CCDC102B: variants seen among roughly 807,000 people sequenced by gnomAD.
CCDC102B encodes coiled-coil domain-containing protein 102B.
A neutral mutation model predicts 57.4 loss-of-function variants in CCDC102B; 75 were observed. The observed-to-expected ratio is 1.31, with a 90% CI of 1.08 to 1.58. The LOEUF (loss-of-function observed/expected upper bound fraction) is 1.58. CCDC102B is among the 40% of genes most tolerant of loss of function. The pLI is 0.00. For missense variants in CCDC102B, 636 were observed against 582.6 expected, an observed-to-expected ratio of 1.09 and a Z score of -0.94; for synonymous variants, 206 against 201.9, an observed-to-expected ratio of 1.02 and a Z score of -0.17.
intron 5 of CCDC102B, among the ~76,000 whole-genome samples, chr18:68,893,764 A>G (rs967635420): frequency 1.3e-5 from 2 of 152,110 alleles, no homozygotes; most frequent in Admixed American, 1.3e-4. Context: ...TTAGAAAATG[A>G]TCCAATGTTT....
chr18:69,007,596 T>C (rs1363044136), intron 6 of CCDC102B, among the ~76,000 whole-genome samples: 1 of 152,228 alleles, frequency 6.6e-6, no homozygotes, highest in East Asian at 1.9e-4. Flanking sequence ...TGAGGACTTG[T>C]TAAACCCACA....
In CCDC102B at chr18:68,874,799, T is replaced by A; in HGVS notation, c.1053+14T>A. 1 of 1,412,902 alleles carries A rather than the reference T, an allele frequency of 7.1e-7. No homozygotes were observed. The highest frequency in any genetic ancestry group is 1.0e-6 in the Non-Finnish European group (1 of 998,390). The allele number at this position is 1,412,902 out of a possible 1,614,324, so 87.5% of individuals were successfully genotyped here. On this transcript the variant is annotated intron_variant, in intron 5 of 7. Coordinates refer to ENST00000360242, the MANE Select transcript of CCDC102B (RefSeq NM_024781.3). ...TTAAGAGCAGAGGTAAGACACTGGG[T>A]AAAGAGTACCATATATATTAAAACA...
intron 2 of CCDC102B, among the ~76,000 whole-genome samples, chr18:68,784,434 C>A (rs1229661896): frequency 4.6e-5 from 7 of 152,056 alleles, no homozygotes; most frequent in Non-Finnish European, 2.9e-5. Flanking sequence ...GATCCAGTCA[C>A]CTCCCATCAA....
chr18:69,039,180 T>C (rs1018335892), intron 7 of CCDC102B, among the ~76,000 whole-genome samples: 2 of 151,956 alleles, frequency 1.3e-5, no homozygotes, highest in East Asian at 1.9e-4. Flanking sequence ...GAGTATTCCA[T>C]TGGAGATAGT....
chr18:68,960,245 C>T (rs1029621110), intron 6 of CCDC102B, among the ~76,000 whole-genome samples: 4 of 152,156 alleles, frequency 2.6e-5, no homozygotes, highest in African/African-American at 7.2e-5. Flanking sequence ...CCTTTAAGGC[C>T]TGGGGTCCCT....
At chr18:68,793,737 G>GT (rs2035541151), upstream of CCDC102B, among the ~76,000 whole-genome samples, 1 of 151,960 alleles carries the variant, frequency 6.6e-6, no homozygotes, top group Admixed American at 6.6e-5. Context: ...TATTTGCTTT[G>GT]TTTTTTGCAA....
intron 1 of CCDC102B, among the ~76,000 whole-genome samples, chr18:68,811,950 T>C (rs528379881): frequency 6.6e-6 from 1 of 152,328 alleles, no homozygotes; most frequent in African/African-American, 2.4e-5. Flanking sequence ...ACTCAGTCAC[T>C]GAATGTGGTA....
chr18:68,791,142 G>GAGGA (rs1479330400), intron 2 of CCDC102B, among the ~76,000 whole-genome samples: 1 of 152,214 alleles, frequency 6.6e-6, no homozygotes, highest in African/African-American at 2.4e-5. Flanking sequence ...ATGCATTGAG[G>GAGGA]AGGATTAGTT....
chr18:69,009,924 A>ATTTTTTT (rs770668683), intron 6 of CCDC102B, among the ~76,000 whole-genome samples: 1,675 of 33,482 alleles, frequency 0.05, 405 homozygotes, highest in African/African-American at 0.12. Flanking sequence ...TTTAATAAAG[A>ATTTTTTT]TTTTTTTTTT....
chr18:68,752,617 T>C (rs550863896), intron 2 of CCDC102B, among the ~76,000 whole-genome samples: 1 of 152,160 alleles, frequency 6.6e-6, no homozygotes, highest in Non-Finnish European at 1.5e-5. Flanking sequence ...TTAAATATTT[T>C]TAAACCTTAT....
chr18:68,727,107 C>A (rs748757969), intron 2 of CCDC102B, among the ~76,000 whole-genome samples: 8 of 152,110 alleles, frequency 5.3e-5, no homozygotes, highest in Non-Finnish European at 7.4e-5. Flanking sequence ...GGAAAAAGTC[C>A]ATTTGAAGGG....
intron 6 of CCDC102B, among the ~76,000 whole-genome samples, chr18:68,943,513 C>T (rs1479300549): frequency 2.6e-5 from 4 of 151,948 alleles, no homozygotes; most frequent in African/African-American, 4.8e-5. Context: ...TTTTGGAAAA[C>T]GTTTGTTTTG....
chr18:68,792,676 C>T (rs1022767749), intron 2 of CCDC102B, among the ~76,000 whole-genome samples: 4 of 152,098 alleles, frequency 2.6e-5, no homozygotes, highest in African/African-American at 9.7e-5. Context: ...ATACTTGAAC[C>T]GAGGCTTAGA....
At chr18:68,725,381 T>C (rs2032548507) in intron 2 of CCDC102B, among the ~76,000 whole-genome samples, 1 of 152,244 alleles carries the variant, frequency 6.6e-6, no homozygotes, top group Non-Finnish European at 1.5e-5. Context: ...TCAGCTAGTC[T>C]TTCTACTTCA....
chr18:68,952,127 A>T (rs2049716016), intron 6 of CCDC102B, among the ~76,000 whole-genome samples: 1 of 152,158 alleles, frequency 6.6e-6, no homozygotes, highest in South Asian at 2.1e-4. Context: ...TATAAAATAT[A>T]TTCTTCTATG....
intron 6 of CCDC102B, among the ~76,000 whole-genome samples, chr18:68,940,087 G>A (rs1195809230): frequency 6.6e-6 from 1 of 151,416 alleles, no homozygotes; most frequent in Non-Finnish European, 1.5e-5. Flanking sequence ...GGTATTTCTG[G>A]AGATTAGGGC....
At chr18:68,862,793 G>A (rs61393105) in intron 4 of CCDC102B, among the ~76,000 whole-genome samples, 18,996 of 151,880 alleles carry the variant, frequency 0.13, 1,446 homozygotes, top group South Asian at 0.22. Flanking sequence ...TTTTTAAAAG[G>A]TTTTATTATG....
At chr18:69,016,486 T>C (rs1428114750) in intron 7 of CCDC102B, among the ~76,000 whole-genome samples, 1 of 152,116 alleles carries the variant, frequency 6.6e-6, no homozygotes, top group Non-Finnish European at 1.5e-5. Context: ...TTAGGAAATA[T>C]CATGCAAAAA....
At chr18:68,930,721 G>A (rs542633241) in intron 6 of CCDC102B, among the ~76,000 whole-genome samples, 1 of 152,048 alleles carries the variant, frequency 6.6e-6, no homozygotes, top group East Asian at 1.9e-4. Flanking sequence ...CTGATTGAAA[G>A]ATGCCCTTTG....
Sources: allele counts gnomAD v4.1 joint callset (sites outside exome capture counted in the v4.1 genomes callset), GRCh38; gene constraint gnomAD v4.1.1; transcripts MANE v1.5; gene names NCBI Gene and HGNC (gene_info 2026-07-23, HGNC 2026-07-21).